Variants in MYOF observed in about 807,000 individuals in gnomAD.
The protein encoded by MYOF is myoferlin.
In MYOF, 244 loss-of-function variants were observed where a neutral mutation model predicts 284.2. The ratio of observed to expected loss-of-function variants is 0.86; its 90% CI spans 0.77 to 0.95. The LOEUF is 0.95. Ranked by LOEUF, MYOF falls within the 40% of genes least tolerant of loss-of-function variation. The pLI, the probability that MYOF is intolerant of heterozygous loss-of-function variation, is 0.00. For synonymous variants in MYOF, 904 were observed against 919.7 expected, an observed-to-expected ratio of 0.98 and a Z score of 0.31; for missense variants, 2,496 against 2,560.6, an observed-to-expected ratio of 0.97 and a Z score of 0.54.
chr10:93,311,494 G>A (rs151215036), intron 51 of MYOF, among the ~76,000 whole-genome samples: 3,291 of 150,234 alleles, frequency 0.022, 115 homozygotes, highest in African/African-American at 0.077. Context: ...GGTGGCGTGC[G>A]CCTGTAGTCC....
intron 5 of MYOF, among the ~76,000 whole-genome samples, chr10:93,423,689 T>G (rs1470981219): frequency 6.6e-6 from 1 of 151,332 alleles, no homozygotes; most frequent in Admixed American, 6.6e-5. Flanking sequence ...AAAAATTAGC[T>G]GGACGTGGTG....
chr10:93,413,908 A>G (rs1848009178), intron 5 of MYOF, among the ~76,000 whole-genome samples: 1 of 152,102 alleles, frequency 6.6e-6, no homozygotes, highest in Admixed American at 6.6e-5. Flanking sequence ...TGGGAGGACC[A>G]TCTGAGCCCA....
chr10:93,351,146 C>G, intron 35 of MYOF, 51 bp downstream of exon 35: 8 of 1,556,310 alleles, frequency 5.1e-6, no homozygotes, highest in Non-Finnish European at 7.1e-6. Context: ...GATTCCTGTC[C>G]TGCAGTCACA....
At chr10:93,322,634 T>A (rs1842891016) in intron 48 of MYOF, among the ~76,000 whole-genome samples, 1 of 152,228 alleles carries the variant, frequency 6.6e-6, no homozygotes, top group Non-Finnish European at 1.5e-5. Flanking sequence ...CTTTGAAATC[T>A]GCGAACATTT....
At chr10:93,456,859 A>G (rs372169575) in intron 2 of MYOF, 23 bp downstream of exon 2, 1 of 1,562,238 alleles carries the variant, frequency 6.4e-7, no homozygotes, top group Non-Finnish European at 8.8e-7. Flanking sequence ...ATTAAAACAA[A>G]GTTGAAAAAA....
intron 19 of MYOF, among the ~76,000 whole-genome samples, 180 bp from the exon 20 acceptor site, chr10:93,381,576 C>G (rs570447437): frequency 6.6e-6 from 1 of 152,216 alleles, no homozygotes; most frequent in South Asian, 2.1e-4. Context: ...GATAGAAGCA[C>G]TAGGATGTTC....
intron 12 of MYOF, among the ~76,000 whole-genome samples, chr10:93,400,685 A>G (rs1774715): frequency 0.37 from 56,643 of 151,880 alleles, 12,363 homozygotes; most frequent in Middle Eastern, 0.59. Flanking sequence ...CAAGGCAAAT[A>G]GGAGGCTGGG....
At chr10:93,463,211 C>T (rs1463666919) in intron 1 of MYOF, among the ~76,000 whole-genome samples, 6 of 152,064 alleles carry the variant, frequency 3.9e-5, no homozygotes, top group Admixed American at 2.0e-4. Context: ...CCCTCTTGCG[C>T]GGAACCATTT....
At chr10:93,462,447 A>G (rs1589607555) in intron 1 of MYOF, among the ~76,000 whole-genome samples, 1 of 152,096 alleles carries the variant, frequency 6.6e-6, no homozygotes, top group African/African-American at 2.4e-5. Context: ...TATTATCCTC[A>G]GTTTGCAGAG....
chr10:93,466,294 C>T (rs926114367), intron 1 of MYOF, among the ~76,000 whole-genome samples: 1 of 152,254 alleles, frequency 6.6e-6, no homozygotes, highest in Admixed American at 6.5e-5. Context: ...CAAGTGGCAA[C>T]AGGATACAAA....
At chr10:93,333,453 G>A (rs1326602602) in intron 42 of MYOF, 141 bp from the exon 43 acceptor site, 3 of 812,576 alleles carry the variant, frequency 3.7e-6, no homozygotes, top group Admixed American at 2.0e-5. Flanking sequence ...CCTAAGACAA[G>A]GGAGCAATGC....
intron 38 of MYOF, among the ~76,000 whole-genome samples, chr10:93,342,139 G>A (rs572458593): frequency 9.9e-5 from 15 of 152,248 alleles, no homozygotes; most frequent in Middle Eastern, 3.4e-3. Context: ...ATGAGTTTCC[G>A]GAGTGTGACA....
At position 93,454,986 on chromosome 10, in the gene MYOF, T is replaced by TAAAAA. The variant is rs1564732516; in HGVS notation, c.144+1895_144+1896insTTTTT. On this transcript the variant is annotated intron_variant, in intron 2 of 53. Coordinates refer to ENST00000359263, the MANE Select transcript of MYOF (RefSeq NM_013451.4). ...AGAGCGAGACCCTGTCTTTTTTTAA[T>TAAAAA]TAAAAAAAAAAAAAAAAAAAAAAAA... is the stretch of plus-strand genomic sequence containing the variant. Among the ~76,000 whole-genome samples the TAAAAA allele has an allele frequency of 4.7e-5, 4 of 84,586 alleles. 1 individual carries two copies. Among genetic ancestry groups the TAAAAA allele is most frequent in the Non-Finnish European group, 4.4e-5 (2 of 45,276 alleles). 55.5% of individuals were successfully genotyped at this position (84,586 alleles called of 152,430 possible).
At chr10:93,460,598 C>T (rs1183212192) in intron 1 of MYOF, among the ~76,000 whole-genome samples, 1 of 151,538 alleles carries the variant, frequency 6.6e-6, no homozygotes, top group Non-Finnish European at 1.5e-5. Flanking sequence ...AACCCCGTCT[C>T]TACTAAAATA....
intron 19 of MYOF, among the ~76,000 whole-genome samples, chr10:93,381,630 A>G (rs541123714): frequency 6.6e-6 from 1 of 152,356 alleles, no homozygotes; most frequent in South Asian, 2.1e-4. Context: ...TGAAAACAGT[A>G]CACAAGTCTT....
rs896955471 is a variant in MYOF at position 93,369,835 on chromosome 10, A to G, written c.2458-59T>C. On this transcript the variant is annotated intron_variant, in intron 24 of 53. Transcript: ENST00000359263. ...TAGGCACAGCAAAGACTGTGACATT[A>G]AGTTAAAGCCAAAAACAGAGGGAAC... 149 of 1,595,962 alleles carry G rather than the reference A, an allele frequency of 9.3e-5. 2 individuals are homozygous for G. The Admixed American group carries it at 2.5e-3, about 27-fold the overall frequency.
rs1332548361 is a variant in MYOF at position 93,396,335 on chromosome 10, CCA to C, written c.1335-113_1335-112del. 26 of 729,246 alleles carry C rather than the reference CCA, an allele frequency of 3.6e-5. No homozygotes were observed. The South Asian group carries it at 4.2e-4, about 12-fold the overall frequency. 45.2% of individuals were successfully genotyped at this position (729,246 alleles called of 1,614,324 possible). A position where few individuals can be genotyped will look rare whatever the true frequency, so the allele number is the denominator to read the frequency against. The stretch of plus-strand genomic sequence containing the variant: ...AAAAAAGTTAGAGCTGGAAAATACC[CCA>C]GACTTCAGAAATAATCACGTCTAGT... On this transcript the variant is annotated intron_variant, in intron 15 of 53. Transcript: ENST00000359263.
At chr10:93,416,782 G>A (rs571989780) in intron 5 of MYOF, among the ~76,000 whole-genome samples, 270 of 152,106 alleles carry the variant, frequency 1.8e-3, no homozygotes, top group Middle Eastern at 0.014. Context: ...ATTTTTAATA[G>A]AGACAGAGTT....
At chr10:93,414,998 C>T (rs1014557049) in intron 5 of MYOF, among the ~76,000 whole-genome samples, 2 of 152,132 alleles carry the variant, frequency 1.3e-5, no homozygotes, top group Admixed American at 6.5e-5. Context: ...CCCTCCTCGG[C>T]CTCCCAAAGT....
Sources: gnomAD v4.1 joint callset for allele counts (sites outside exome capture counted in the v4.1 genomes callset) on GRCh38, gnomAD v4.1.1 for gene constraint, MANE v1.5 for transcripts, NCBI Gene and HGNC (gene_info 2026-07-23, HGNC 2026-07-21) for gene names.